The following IGSF21 variants were observed in gnomAD, a reference collection of about 807,000 sequenced individuals.
The protein encoded by IGSF21 is immunoglobulin superfamily member 21.
In IGSF21, 28 loss-of-function variants were observed where a neutral mutation model predicts 46.8. That is an observed-to-expected ratio of 0.60 (90% CI 0.44 to 0.82). The LOEUF is 0.82. IGSF21 is among the 40% of genes least tolerant of loss of function. IGSF21 has a pLI of 0.00. For synonymous variants in IGSF21, 284 were observed against 273.6 expected (o/e 1.04, Z -0.38); for missense variants, 624 against 665.5 (o/e 0.94, Z 0.69).
chr1:18,277,119 C>T (rs2085109449), intron 2 of IGSF21, among the ~76,000 whole-genome samples: 1 of 152,172 alleles, frequency 6.6e-6, no homozygotes, highest in Admixed American at 6.5e-5. Context: ...CCTCCCTGGG[C>T]TGTTGCTTCT....
At position 18,256,598 on chromosome 1, in the gene IGSF21, G is replaced by A. The variant is rs377477981; in HGVS notation, c.183+28588G>A. On this transcript the variant is annotated intron_variant, in intron 2 of 9. Transcript: ENST00000251296. ...TGCGCTTCTCCTGGATGTTTCCCAA[G>A]GGGGAAGGAAAGGCCTTGGTCTGAC... Among the ~76,000 whole-genome samples, 149 of 152,258 alleles carry A rather than the reference G, an allele frequency of 9.8e-4. 1 individual carries two copies. The Middle Eastern group carries it at 0.041, about 42-fold the overall frequency.
At chr1:18,294,638 T>A (rs2085295355) in intron 3 of IGSF21, among the ~76,000 whole-genome samples, 1 of 152,222 alleles carries the variant, frequency 6.6e-6, no homozygotes, top group African/African-American at 2.4e-5. Context: ...TTAAGCCTGA[T>A]ATCAGGAGCC....
intron 1 of IGSF21, among the ~76,000 whole-genome samples, chr1:18,209,397 C>T (rs573348055): frequency 5.3e-5 from 8 of 152,192 alleles, no homozygotes; most frequent in African/African-American, 1.9e-4. Context: ...GGCCAGGTGA[C>T]CTGGGCCCAG....
intron 1 of IGSF21, among the ~76,000 whole-genome samples, chr1:18,222,997 A>G (rs908655413): frequency 6.6e-6 from 1 of 151,864 alleles, no homozygotes; most frequent in Non-Finnish European, 1.5e-5. Context: ...CTTGCTTTCC[A>G]CCTTCTCCCT....
Position 18,349,540 on chromosome 1 carries a change from A to C in IGSF21, c.425-12575A>C, listed in dbSNP as rs78769426. Among the ~76,000 whole-genome samples the C allele has an allele frequency of 7.5e-3, 1,138 of 152,318 alleles. 10 individuals carry two copies. Among genetic ancestry groups the C allele is most frequent in the Non-Finnish European group, 0.012 (828 of 68,032 alleles). On this transcript the variant is annotated intron_variant, in intron 4 of 9. Transcript: ENST00000251296. ...AGCTATATAGGCAACAATGAGGGGCAGAAAAGCATGGCAAGAGGGGGCACC... is the reference window on the plus strand; with the variant it reads ...AGCTATATAGGCAACAATGAGGGGCCGAAAAGCATGGCAAGAGGGGGCACC...
intron 1 of IGSF21, among the ~76,000 whole-genome samples, chr1:18,215,518 C>T (rs2084435337): frequency 1.3e-5 from 2 of 152,244 alleles, no homozygotes; most frequent in Non-Finnish European, 2.9e-5. Context: ...CAGGAGTGGT[C>T]TTTGGGGTAA....
intron 1 of IGSF21, among the ~76,000 whole-genome samples, chr1:18,201,340 T>G (rs1389519567): frequency 6.6e-6 from 1 of 152,118 alleles, no homozygotes; most frequent in Non-Finnish European, 1.5e-5. Context: ...GGGGAGCCAG[T>G]GAAGATTGTG....
intron 2 of IGSF21, among the ~76,000 whole-genome samples, chr1:18,262,952 A>G (rs2084959603): frequency 6.6e-6 from 1 of 151,970 alleles, no homozygotes; most frequent in African/African-American, 2.4e-5. Context: ...CCCCTTCCCC[A>G]CCCCGGGGTA....
At chr1:18,257,869 C>A (rs981512472) in intron 2 of IGSF21, among the ~76,000 whole-genome samples, 1 of 152,170 alleles carries the variant, frequency 6.6e-6, no homozygotes, top group Admixed American at 6.5e-5. Flanking sequence ...CTTCTCCCTC[C>A]CCCTCATGAA....
chr1:18,210,645 C>A (rs1402968714), intron 1 of IGSF21, among the ~76,000 whole-genome samples: 1 of 152,104 alleles, frequency 6.6e-6, no homozygotes, highest in Non-Finnish European at 1.5e-5. Flanking sequence ...AGCCTCAGAA[C>A]TTCTTGTGCT....
chr1:18,220,708 T>C (rs535379093), intron 1 of IGSF21, among the ~76,000 whole-genome samples: 2 of 152,214 alleles, frequency 1.3e-5, no homozygotes, highest in East Asian at 3.9e-4. Flanking sequence ...GTTGTTTTCT[T>C]GAGGAGGTAA....
At chr1:18,110,284 AGAG>A (rs1348359377) in intron 1 of IGSF21, 1 of 152,310 alleles carries the variant, frequency 6.6e-6, no homozygotes, top group Admixed American at 6.5e-5. Context: ...TCTTCTCCGC[AGAG>A]GAGAGCACAC....
chr1:18,149,307 G>C (rs980867218), intron 1 of IGSF21, among the ~76,000 whole-genome samples: 1 of 152,208 alleles, frequency 6.6e-6, no homozygotes, highest in African/African-American at 2.4e-5. Flanking sequence ...CATGGGAGCA[G>C]GGACAGTCTC....
intron 1 of IGSF21, among the ~76,000 whole-genome samples, chr1:18,146,509 G>C (rs938351165): frequency 6.6e-6 from 1 of 152,182 alleles, no homozygotes; most frequent in Non-Finnish European, 1.5e-5. Flanking sequence ...AACGCAGGGA[G>C]GGATTGGGAC....
chr1:18,333,278 T>C (rs2085732691), intron 3 of IGSF21, among the ~76,000 whole-genome samples: 1 of 152,188 alleles, frequency 6.6e-6, no homozygotes, highest in African/African-American at 2.4e-5. Flanking sequence ...CTCTAAGTTG[T>C]AGCCAGAATA....
At position 18,133,345 on chromosome 1, in the gene IGSF21, A is replaced by G. The variant is rs190724653; in HGVS notation, c.70+25147A>G. On this transcript the variant is annotated intron_variant, in intron 1 of 9. Coordinates refer to ENST00000251296, the MANE Select transcript of IGSF21 (RefSeq NM_032880.5). ...CCATGTCACGGCTTCCCTGATTCCA[A>G]TTTGGCGGAAGACAGTGGGTTTGCA... Among the ~76,000 whole-genome samples, 82 of 152,232 alleles carry G rather than the reference A, an allele frequency of 5.4e-4. No homozygotes were observed. The East Asian group carries it at 0.011, about 21-fold the overall frequency.
At chr1:18,260,882 C>T (rs537760659) in intron 2 of IGSF21, among the ~76,000 whole-genome samples, 13 of 152,234 alleles carry the variant, frequency 8.5e-5, no homozygotes, top group African/African-American at 3.1e-4. Flanking sequence ...CCATCCTGGT[C>T]TTGGCTAGTG....
rs200709522 is a variant in IGSF21 at position 18,287,194 on chromosome 1, A to T, written c.184-4672A>T. 3.9e-3 allele frequency among the ~76,000 whole-genome samples: 492 copies of T among 124,838 alleles called. 10 individuals are homozygous for T. Among genetic ancestry groups the T allele is most frequent in the African/African-American group, 0.016 (453 of 28,732 alleles). The allele number at this position is 124,838 out of a possible 152,430, so 81.9% of individuals were successfully genotyped here. A position where few individuals can be genotyped will look rare whatever the true frequency, so the allele number is the denominator to read the frequency against. ...AGACTCCGTCTCAAAAAAAAAAAAT[A>T]AAATAAATAAATAAATAAAAATAAA... On this transcript the variant is annotated intron_variant, in intron 2 of 9. Transcript: ENST00000251296.
At chr1:18,246,536 C>T (rs1330010946) in intron 2 of IGSF21, among the ~76,000 whole-genome samples, 1 of 152,116 alleles carries the variant, frequency 6.6e-6, no homozygotes, top group Non-Finnish European at 1.5e-5. Flanking sequence ...CTCTGGCTTC[C>T]TGCAAAGATG....
Sources: allele counts gnomAD v4.1 joint callset (sites outside exome capture counted in the v4.1 genomes callset), GRCh38; gene constraint gnomAD v4.1.1; transcripts MANE v1.5; gene names NCBI Gene and HGNC (gene_info 2026-07-23, HGNC 2026-07-21).